The following CDH13 variants were observed in gnomAD, a reference collection of about 807,000 sequenced individuals.
The protein encoded by CDH13 is cadherin 13, also known as cadherin-13.
A neutral mutation model predicts 63.8 loss-of-function variants in CDH13; 24 were observed. The observed-to-expected ratio is 0.38, with a 90% CI of 0.27 to 0.53. CDH13 has a LOEUF of 0.53. Ranked by LOEUF, CDH13 falls within the 20% of genes least tolerant of loss-of-function variation. CDH13 has a pLI of 0.85. For synonymous variants in CDH13, 503 were observed against 355.3 expected, an observed-to-expected ratio of 1.42 and a Z score of -4.67; for missense variants, 1,049 against 903.1, an observed-to-expected ratio of 1.16 and a Z score of -2.07.
chr16:83,037,257 C>G (rs1204480589), intron 3 of CDH13, among the ~76,000 whole-genome samples: 1 of 152,178 alleles, frequency 6.6e-6, no homozygotes, highest in African/African-American at 2.4e-5. Context: ...TGTGGGGTTA[C>G]CGAGATTACC....
chr16:83,689,067 C>G (rs1904590954), intron 10 of CDH13, among the ~76,000 whole-genome samples: 1 of 152,118 alleles, frequency 6.6e-6, no homozygotes, highest in African/African-American at 2.4e-5. Context: ...ACAAATCGAC[C>G]ACCTTTTTAA....
intron 3 of CDH13, among the ~76,000 whole-genome samples, chr16:83,070,118 T>G (rs1816874499): frequency 6.6e-6 from 1 of 152,180 alleles, no homozygotes; most frequent in African/African-American, 2.4e-5. Flanking sequence ...TCCTCTTGCT[T>G]CTTGGCATGC....
At chr16:82,968,817 A>G (rs1404209551) in intron 2 of CDH13, among the ~76,000 whole-genome samples, 1 of 152,138 alleles carries the variant, frequency 6.6e-6, no homozygotes, top group Non-Finnish European at 1.5e-5. Context: ...TTTTACATAT[A>G]TCTGTGTTAA....
intron 4 of CDH13, among the ~76,000 whole-genome samples, chr16:83,206,101 C>G (rs922847110): frequency 6.6e-6 from 1 of 152,068 alleles, no homozygotes; most frequent in Non-Finnish European, 1.5e-5. Flanking sequence ...GTGACTCATA[C>G]ATGGCCTATG....
At chr16:82,829,668 T>C (rs2038435046) in intron 1 of CDH13, 1 of 152,142 alleles carries the variant, frequency 6.6e-6, no homozygotes, top group African/African-American at 2.4e-5. Flanking sequence ...TTTTACATTG[T>C]TTGGTATGTG....
intron 7 of CDH13, among the ~76,000 whole-genome samples, chr16:83,511,310 A>G (rs1385324155): frequency 6.6e-6 from 1 of 152,014 alleles, no homozygotes; most frequent in Non-Finnish European, 1.5e-5. Flanking sequence ...AAAAATACAA[A>G]ATTTAGCCAG....
chr16:83,102,065 C>A (rs983362086), intron 3 of CDH13, among the ~76,000 whole-genome samples: 1 of 151,988 alleles, frequency 6.6e-6, no homozygotes, highest in Non-Finnish European at 1.5e-5. Flanking sequence ...TGTGTCAGAG[C>A]CAGAAAGGGA....
intron 2 of CDH13, among the ~76,000 whole-genome samples, chr16:82,880,110 C>T (rs544556593): frequency 4.6e-5 from 7 of 151,412 alleles, no homozygotes; most frequent in Admixed American, 3.3e-4. Context: ...CACTTTGAGC[C>T]ATGTGAGCAA....
intron 6 of CDH13, among the ~76,000 whole-genome samples, chr16:83,372,995 T>C (rs2091400001): frequency 6.6e-6 from 1 of 152,164 alleles, no homozygotes; most frequent in Admixed American, 6.5e-5. Context: ...TTAGAAAGAA[T>C]GCATTAAGAT....
At chr16:82,733,469 G>A (rs981793670) in intron 1 of CDH13, among the ~76,000 whole-genome samples, 3 of 152,172 alleles carry the variant, frequency 2.0e-5, no homozygotes, top group Non-Finnish European at 4.4e-5. Flanking sequence ...TCTCTGGGAA[G>A]AATACTAACC....
chr16:82,882,711 C>G (rs1332178217), intron 2 of CDH13, among the ~76,000 whole-genome samples: 1 of 151,906 alleles, frequency 6.6e-6, no homozygotes, highest in African/African-American at 2.4e-5. Context: ...AAAAAACAAA[C>G]CTAACAGTAT....
chr16:83,006,328 C>T (rs117849413), intron 2 of CDH13, among the ~76,000 whole-genome samples: 4 of 152,270 alleles, frequency 2.6e-5, no homozygotes, highest in East Asian at 1.9e-4. Flanking sequence ...AATTTTGATC[C>T]GAGAGGCTTT....
intron 3 of CDH13, among the ~76,000 whole-genome samples, chr16:83,087,236 G>A (rs1402846654): frequency 1.3e-5 from 2 of 152,078 alleles, no homozygotes; most frequent in Non-Finnish European, 2.9e-5. Flanking sequence ...AATTTGACGT[G>A]ATAAAGTTTG....
intron 8 of CDH13, among the ~76,000 whole-genome samples, chr16:83,647,046 C>A (rs373256530): frequency 2.6e-5 from 4 of 151,992 alleles, no homozygotes; most frequent in Non-Finnish European, 5.9e-5. Flanking sequence ...CGCGGTGGCT[C>A]ACGCCTGTAA....
chr16:82,882,867 A>G (rs1192794603), intron 2 of CDH13, among the ~76,000 whole-genome samples: 1 of 152,142 alleles, frequency 6.6e-6, no homozygotes, highest in Non-Finnish European at 1.5e-5. Flanking sequence ...ATTAGGAGAA[A>G]AAAAGGATAC....
chr16:83,663,653 A>G (rs1467095782), intron 8 of CDH13, among the ~76,000 whole-genome samples: 1 of 152,170 alleles, frequency 6.6e-6, no homozygotes, highest in East Asian at 1.9e-4. Context: ...GAGCTCAACA[A>G]TGGGAGAGGC....
At chr16:82,813,708 A>G (rs2037562389) in intron 1 of CDH13, among the ~76,000 whole-genome samples, 1 of 152,172 alleles carries the variant, frequency 6.6e-6, no homozygotes, top group Non-Finnish European at 1.5e-5. Context: ...GCTTTTAAAG[A>G]TTCGGCACTG....
intron 2 of CDH13, among the ~76,000 whole-genome samples, chr16:82,865,209 C>G (rs1207584428): frequency 6.6e-6 from 1 of 152,186 alleles, no homozygotes; most frequent in Non-Finnish European, 1.5e-5. Flanking sequence ...TGCAAGCTGT[C>G]AATGGATCTA....
chr16:82,816,919 G>A (rs973670697), intron 1 of CDH13, among the ~76,000 whole-genome samples: 1 of 151,878 alleles, frequency 6.6e-6, no homozygotes, highest in Non-Finnish European at 1.5e-5. Context: ...AAGACTTTAA[G>A]GACATTCAGG....
Sources: gnomAD v4.1 joint callset for allele counts (sites outside exome capture counted in the v4.1 genomes callset) on GRCh38, gnomAD v4.1.1 for gene constraint, MANE v1.5 for transcripts, NCBI Gene and HGNC (gene_info 2026-07-23, HGNC 2026-07-21) for gene names.